The following TGM6 variants were observed in gnomAD, a reference collection of about 807,000 sequenced individuals.
The protein encoded by TGM6 is protein-glutamine gamma-glutamyltransferase 6.
Under a neutral mutation model 77.5 loss-of-function variants are expected in TGM6, and 74 were observed. The observed-to-expected ratio is 0.96, with a 90% CI of 0.79 to 1.16. TGM6 has a LOEUF of 1.16. Among genes scored for constraint, TGM6 ranks in the 50% most tolerant of loss-of-function variants. The pLI, the probability that TGM6 is intolerant of heterozygous loss-of-function variation, is 0.00. For synonymous variants in TGM6, 383 were observed against 378.9 expected, an observed-to-expected ratio of 1.01 and a Z score of -0.12; for missense variants, 968 against 940.2, an observed-to-expected ratio of 1.03 and a Z score of -0.39.
chr20:2,390,119 G>GT (rs2084620850), intron 1 of TGM6, among the ~76,000 whole-genome samples: 1 of 152,134 alleles, frequency 6.6e-6, no homozygotes, highest in African/African-American at 2.4e-5. Context: ...TTCCCGAGAT[G>GT]TTCCGTGATT....
intron 9 of TGM6, 88 bp downstream of exon 9, chr20:2,403,911 C>T: frequency 6.2e-7 from 1 of 1,606,100 alleles, no homozygotes; most frequent in South Asian, 1.1e-5. Flanking sequence ...GGAGCCAGGC[C>T]TCACCCCATG....
chr20:2,395,609 AG>A (rs1434130587), intron 3 of TGM6, among the ~76,000 whole-genome samples, 173 bp downstream of exon 3: 3 of 152,134 alleles, frequency 2.0e-5, no homozygotes, highest in Non-Finnish European at 4.4e-5. Context: ...ACCTGGTAGC[AG>A]GTGCTTCAAA....
Position 2,417,283 on chromosome 20 carries a change from G to A in TGM6, c.1388G>A (p.Gly463Asp). 6.2e-7 allele frequency: 1 copy of A among 1,611,586 alleles called. No individual in the cohort carries two copies. The highest frequency in any genetic ancestry group is 8.5e-7 in the Non-Finnish European group (1 of 1,178,988). The stretch of plus-strand genomic sequence containing the variant: ...AGCAAGGCGGTGAACAGGCTGTTCG[G>A]CGTGGAAGCCTCTGGAAGGAGAATC... ...VYSKAVNRLFGVEASGRRIWI... is the reference protein window; with the variant it reads ...VYSKAVNRLFDVEASGRRIWI... Residue 463 changes from glycine (G) to aspartate (D), a missense_variant, in exon 10 of 13, where the codon GGC becomes GAC. Physicochemically the swap from Gly to Asp is moderately conservative, Grantham distance 94. Coordinates refer to ENST00000202625, the MANE Select transcript of TGM6 (RefSeq NM_198994.3).
At chr20:2,397,671 A>C (rs1444356639) in intron 4 of TGM6, among the ~76,000 whole-genome samples, 1 of 152,180 alleles carries the variant, frequency 6.6e-6, no homozygotes, top group East Asian at 1.9e-4. Context: ...TATTGTGGGT[A>C]GTCAGGAGCC....
rs910655720 is a variant in TGM6, at chr20:2,432,675, G to A, written c.*32G>A. Reference sequence around the variant, plus strand: ...ATGAGGGACTGAGAGGGGTGGATTTGGCCCCTGTCCTCCTCCTGCCCATTC... The same window carrying A: ...ATGAGGGACTGAGAGGGGTGGATTTAGCCCCTGTCCTCCTCCTGCCCATTC... On this transcript the variant is annotated 3_prime_UTR_variant, in exon 13 of 13. Coordinates refer to ENST00000202625, the MANE Select transcript of TGM6 (RefSeq NM_198994.3). 1.2e-5 allele frequency: 19 copies of A among 1,613,700 alleles called. No individual in the cohort carries two copies. Among genetic ancestry groups the A allele is most frequent in the Admixed American group, 8.3e-5 (5 of 59,996 alleles).
intron 10 of TGM6, among the ~76,000 whole-genome samples, chr20:2,425,352 GAA>G (rs34445977): frequency 1.2e-4 from 17 of 137,792 alleles, no homozygotes; most frequent in East Asian, 4.2e-4. Context: ...TTGTCTTAAA[GAA>G]AAAAAAAAAA....
At chr20:2,387,685 C>G (rs914751164) in intron 1 of TGM6, among the ~76,000 whole-genome samples, 2 of 152,206 alleles carry the variant, frequency 1.3e-5, no homozygotes, top group African/African-American at 4.8e-5. Flanking sequence ...TTGGCTCTCT[C>G]CATGTTTCAG....
chr20:2,401,701 G>T (rs1156850100), intron 7 of TGM6, among the ~76,000 whole-genome samples: 1 of 152,184 alleles, frequency 6.6e-6, no homozygotes, highest in East Asian at 1.9e-4. Flanking sequence ...GAAGCACAGA[G>T]AGGTTAAGTA....
At chr20:2,399,861 C>T (rs922176153) in intron 6 of TGM6, 123 bp downstream of exon 6, 10 of 890,610 alleles carry the variant, frequency 1.1e-5, no homozygotes, top group South Asian at 6.2e-5. Context: ...ACAGGGAGAA[C>T]GAAGTCTGGC....
intron 5 of TGM6, among the ~76,000 whole-genome samples, chr20:2,398,355 G>T (rs1317142543): frequency 6.6e-6 from 1 of 152,152 alleles, no homozygotes; most frequent in East Asian, 1.9e-4. Flanking sequence ...TTTGGTTCTG[G>T]TGGTTGGCAG....
chr20:2,408,715 G>A (rs753705060), intron 9 of TGM6, among the ~76,000 whole-genome samples: 13 of 152,288 alleles, frequency 8.5e-5, no homozygotes, highest in South Asian at 2.1e-4. Flanking sequence ...GGACATATAA[G>A]CCACATTTTC....
Position 2,380,918 on chromosome 20 carries a change from C to T in TGM6, c.-51C>T, listed in dbSNP as rs777899010. On this transcript the variant is annotated 5_prime_UTR_variant, in exon 1 of 13. In the 5' UTR this introduces an upstream ATG that the reference lacks. Coordinates refer to ENST00000202625, the MANE Select transcript of TGM6 (RefSeq NM_198994.3). ...GCTGTGACGCGCCACACTGTCCTGA[C>T]GGTGCACACACTGCTGTGTGGAGGA... 41 of 1,597,722 alleles carry T rather than the reference C, an allele frequency of 2.6e-5. No individual in the cohort carries two copies. Among genetic ancestry groups the T allele is most frequent in the East Asian group, 4.5e-5 (2 of 44,484 alleles).
intron 9 of TGM6, among the ~76,000 whole-genome samples, chr20:2,404,553 T>G (rs1364019054): frequency 1.3e-5 from 2 of 152,064 alleles, no homozygotes; most frequent in Admixed American, 6.6e-5. Context: ...CCCTGGAAGG[T>G]TGCTAAAGAG....
intron 9 of TGM6, among the ~76,000 whole-genome samples, chr20:2,406,386 A>T (rs1163679779): frequency 6.6e-6 from 1 of 151,374 alleles, no homozygotes; most frequent in Non-Finnish European, 1.5e-5. Context: ...CCAGCTACTC[A>T]GGAGGCTCCA....
intron 7 of TGM6, 88 bp downstream of exon 7, chr20:2,400,532 C>T (rs1164374023): frequency 2.0e-5 from 31 of 1,583,638 alleles, no homozygotes; most frequent in Non-Finnish European, 2.1e-5. Flanking sequence ...CACCAGGGAG[C>T]GGCAGGCCCA....
rs574684875 is a variant in TGM6 at position 2,415,898 on chromosome 20, G to C, written c.1337-1334G>C. 1.7e-3 allele frequency among the ~76,000 whole-genome samples: 265 copies of C among 152,190 alleles called. 1 individual carries two copies. The highest frequency in any genetic ancestry group is 6.2e-3 in the African/African-American group (256 of 41,506). On this transcript the variant is annotated intron_variant, in intron 9 of 12. Transcript: ENST00000202625. ...AGCAGTGGGGAAAGTGGTGTATCAG[G>C]GGCCCTAAACTCACATGTCTACAGG...
rs147554438 is a variant in TGM6, at chr20:2,403,678, C to A, written c.1191C>A (p.Ala397=). 6.2e-7 allele frequency: 1 copy of A among 1,614,200 alleles called. No individual in the cohort carries two copies. Among genetic ancestry groups the A allele is most frequent in the Non-Finnish European group, 8.5e-7 (1 of 1,180,040 alleles). ...CCTTCGTGTTTGCGGAGGTCAACGC[C>A]GACTACATCACCTGGCTGTGGCACG... is the stretch of plus-strand genomic sequence containing the variant. The part of the protein sequence containing the change: ...DGPFVFAEVN[A]DYITWLWHED... The change falls in exon 9 of 13, where the codon GCC becomes GCA. Residue 397 remains alanine (A), a synonymous_variant. Coordinates refer to ENST00000202625, the MANE Select transcript of TGM6 (RefSeq NM_198994.3).
At position 2,400,398 on chromosome 20, in the gene TGM6, G is replaced by A. The variant is rs759490128; in HGVS notation, c.943G>A (p.Asp315Asn). ...GAACCTGAGTGTGGACAAATACGTG[G>A]ACTCCTTCGGGCGGACCCTGGAGGA... is the stretch of plus-strand genomic sequence containing the variant. ...DQNLSVDKYV[D>N]SFGRTLEDLT... The change falls in exon 7 of 13, where the codon GAC becomes AAC. Residue 315 changes from aspartate (D) to asparagine (N), a missense_variant. Transcript: ENST00000202625. 2 of 1,614,202 alleles carry A rather than the reference G, an allele frequency of 1.2e-6. No homozygotes were observed. Among genetic ancestry groups the A allele is most frequent in the East Asian group, 2.2e-5 (1 of 44,870 alleles).
intron 1 of TGM6, among the ~76,000 whole-genome samples, chr20:2,391,221 C>G (rs1283161460): frequency 6.6e-6 from 1 of 151,686 alleles, no homozygotes; most frequent in Non-Finnish European, 1.5e-5. Flanking sequence ...TAGTACCTCC[C>G]TTAGGTGTAT....
Sources: allele counts gnomAD v4.1 joint callset (sites outside exome capture counted in the v4.1 genomes callset), GRCh38; gene constraint gnomAD v4.1.1; transcripts MANE v1.5; gene names NCBI Gene and HGNC (gene_info 2026-07-23, HGNC 2026-07-21).